HEPH: variants seen among roughly 807,000 people sequenced by gnomAD.
The protein encoded by HEPH is hephaestin.
In HEPH, 69 loss-of-function variants were observed where a neutral mutation model predicts 80.8. The ratio of observed to expected loss-of-function variants is 0.85; its 90% CI spans 0.70 to 1.04. The LOEUF (loss-of-function observed/expected upper bound fraction) is 1.04. Ranked by LOEUF, HEPH falls within the 50% of genes least tolerant of loss-of-function variation. The pLI, the probability that HEPH is intolerant of heterozygous loss-of-function variation, is 0.00. For missense variants in HEPH, 1,115 were observed against 891.3 expected (o/e 1.25, Z -3.20); for synonymous variants, 431 against 322.8 (o/e 1.34, Z -3.60).
At chrX:66,257,928 C>T (rs928167576) in intron 17 of HEPH, among the ~76,000 whole-genome samples, 3 of 111,811 alleles carry the variant, frequency 2.7e-5, no homozygotes, top group Admixed American at 1.9e-4. Context: ...AGTTTGATGT[C>T]CTTGGAGCAT....
intron 15 of HEPH, among the ~76,000 whole-genome samples, chrX:66,211,001 A>G (rs1459081067): frequency 1.8e-5 from 2 of 111,537 alleles, no homozygotes; most frequent in Non-Finnish European, 3.8e-5. Flanking sequence ...AGCTGTACGG[A>G]TAGAAGATTA....
chrX:66,242,073 GA>G (rs748372748), intron 15 of HEPH, among the ~76,000 whole-genome samples: 4,649 of 92,572 alleles, frequency 0.05, 269 homozygotes, highest in African/African-American at 0.17. Flanking sequence ...ATCCTAAGCA[GA>G]AAAAAAAAAA....
intron 15 of HEPH, among the ~76,000 whole-genome samples, chrX:66,251,050 A>T (rs934722250): frequency 9.0e-6 from 1 of 111,363 alleles, no homozygotes; most frequent in African/African-American, 3.3e-5. Context: ...CATTAAGCTA[A>T]TTTTTGTATT....
At chrX:66,187,660 G>T (rs757287310) in intron 4 of HEPH, among the ~76,000 whole-genome samples, 20 of 110,964 alleles carry the variant, frequency 1.8e-4, no homozygotes, top group African/African-American at 6.2e-4. Context: ...CCCGGGTCCT[G>T]CAGGAGCAGT....
chrX:66,235,613 A>T (rs1262668851), intron 15 of HEPH, among the ~76,000 whole-genome samples: 1 of 111,728 alleles, frequency 9.0e-6, no homozygotes, highest in Non-Finnish European at 1.9e-5. Context: ...GTAGCTTGTT[A>T]GTATAGTTTG....
chrX:66,262,079 T>C (rs888453774), intron 19 of HEPH, among the ~76,000 whole-genome samples: 2 of 112,571 alleles, frequency 1.8e-5, no homozygotes, highest in Non-Finnish European at 3.8e-5. Context: ...AGCCAGCCCA[T>C]AAATCTTTTC....
intron 19 of HEPH, among the ~76,000 whole-genome samples, chrX:66,261,333 G>A (rs1456803): frequency 0.62 from 68,340 of 110,494 alleles, 18,380 homozygotes; most frequent in East Asian, 1. Flanking sequence ...AGAGGGAGCA[G>A]CTGGGACAAT....
At position 66,197,744 on chromosome X, in the gene HEPH, C is replaced by G. The variant is rs2088181216; in HGVS notation, c.1563C>G (p.Val521=). ...PFEKVTYRWT[V]PPHAGPTAQD... is the part of the protein sequence containing the mutation. Reference sequence around the variant, plus strand: ...AGAAAGTAACATACCGCTGGACAGTCCCCCCTCATGCCGGTCCCACTGCTC... The same window carrying G: ...AGAAAGTAACATACCGCTGGACAGTGCCCCCTCATGCCGGTCCCACTGCTC... Residue 521 remains valine (V), a synonymous_variant, in exon 10 of 21, where the codon GTC becomes GTG. Transcript: ENST00000343002. 1 of 1,209,334 alleles carries G rather than the reference C, an allele frequency of 8.3e-7. No homozygotes were observed. Among genetic ancestry groups the G allele is most frequent in the African/African-American group, 1.7e-5 (1 of 57,219 alleles).
At chrX:66,202,938 TACAC>T (rs1266079633) in intron 12 of HEPH, among the ~76,000 whole-genome samples, 30 of 96,787 alleles carry the variant, frequency 3.1e-4, no homozygotes, top group African/African-American at 7.3e-4. Context: ...TATATATATA[TACAC>T]ACACACACAC....
At chrX:66,195,400 TAAG>T (rs1268673681) in intron 9 of HEPH, among the ~76,000 whole-genome samples, 171 bp downstream of exon 9, 4 of 111,502 alleles carry the variant, frequency 3.6e-5, no homozygotes, top group Non-Finnish European at 7.5e-5. Context: ...GCTTCAATAA[TAAG>T]AGAAAATTTC....
upstream of HEPH, chrX:66,164,139 C>A: frequency 1.6e-6 from 1 of 643,005 alleles, no homozygotes; most frequent in Non-Finnish European, 1.9e-6. Flanking sequence ...TACAACCCAC[C>A]CCCTTGTAAT....
At chrX:66,206,304 G>A (rs866213212) in intron 13 of HEPH, among the ~76,000 whole-genome samples, 135 of 52,189 alleles carry the variant, frequency 2.6e-3, no homozygotes, top group African/African-American at 9.1e-3. Flanking sequence ...TACCAAATTT[G>A]TATTTGGATG....
intron 1 of HEPH, among the ~76,000 whole-genome samples, chrX:66,166,270 CA>C (rs1354833393): frequency 9.0e-6 from 1 of 111,274 alleles, no homozygotes; most frequent in Non-Finnish European, 1.9e-5. Flanking sequence ...TTCGGCTCAC[CA>C]CAACCTCCGC....
intron 4 of HEPH, among the ~76,000 whole-genome samples, chrX:66,186,340 C>G (rs1459226576): frequency 9.2e-6 from 1 of 108,500 alleles, no homozygotes; most frequent in African/African-American, 3.4e-5. Flanking sequence ...GACTGCTGTG[C>G]TAGCAATCAG....
At chrX:66,190,776 G>T (rs894841859) in intron 6 of HEPH, among the ~76,000 whole-genome samples, 6 of 111,680 alleles carry the variant, frequency 5.4e-5, no homozygotes, top group Non-Finnish European at 1.1e-4. Context: ...AATCTTGGGT[G>T]TTAGGTTTGA....
chrX:66,201,814 A>C (rs746339617), intron 12 of HEPH, among the ~76,000 whole-genome samples: 82 of 112,436 alleles, frequency 7.3e-4, no homozygotes, highest in African/African-American at 2.5e-3. Context: ...TCTCTGTGAG[A>C]GAAGCTTGTG....
intron 6 of HEPH, 149 bp from the exon 7 acceptor site, chrX:66,191,981 G>C (rs1185242724): frequency 4.1e-6 from 2 of 485,963 alleles, no homozygotes; most frequent in East Asian, 3.7e-5. Context: ...TGCACTTTAA[G>C]AGTGAGAGAA....
At chrX:66,191,910 CAGT>C (rs1219360537) in intron 6 of HEPH, among the ~76,000 whole-genome samples, 1 of 111,194 alleles carries the variant, frequency 9.0e-6, no homozygotes, top group African/African-American at 3.3e-5. Flanking sequence ...GTAAATGCAT[CAGT>C]GGTGGTATAA....
chrX:66,225,528 C>T lies in HEPH; in HGVS notation c.2563+17282C>T, dbSNP rs777072413. 6.2e-5 allele frequency among the ~76,000 whole-genome samples: 7 copies of T among 112,663 alleles called. No individual in the cohort carries two copies. The East Asian group carries it at 1.7e-3, about 27-fold the overall frequency. On this transcript the variant is annotated intron_variant, in intron 15 of 20. Coordinates refer to ENST00000343002, the MANE Select transcript of HEPH (RefSeq NM_001367233.3). ...AGGCACACCATGGGTGATCAGGCCA[C>T]GCTTCCACTCAAATGGAGTAGGCAA...
Sources: allele counts gnomAD v4.1 joint callset (sites outside exome capture counted in the v4.1 genomes callset), GRCh38; gene constraint gnomAD v4.1.1; transcripts MANE v1.5; gene names NCBI Gene and HGNC (gene_info 2026-07-23, HGNC 2026-07-21).